Variants in CAMTA1 observed in about 807,000 individuals in gnomAD.
CAMTA1 encodes calmodulin binding transcription activator 1, also known as calmodulin-binding transcription activator 1.
In CAMTA1, 27 loss-of-function variants were observed where a neutral mutation model predicts 170.9. That is an observed-to-expected ratio of 0.16 (90% CI 0.12 to 0.22). CAMTA1 has a LOEUF of 0.22. Ranked by LOEUF, CAMTA1 falls within the 10% of genes least tolerant of loss-of-function variation. The pLI is 1.00. For synonymous variants in CAMTA1, 833 were observed against 891.5 expected, an observed-to-expected ratio of 0.93 and a Z score of 1.17; for missense variants, 1,619 against 2,217.2, an observed-to-expected ratio of 0.73 and a Z score of 5.42.
intron 4 of CAMTA1, among the ~76,000 whole-genome samples, chr1:7,120,090 A>G (rs774197084): frequency 3.9e-5 from 6 of 152,174 alleles, no homozygotes; most frequent in Non-Finnish European, 8.8e-5. Flanking sequence ...ACAGATGGCA[A>G]ATGGAGGAAT....
chr1:6,841,306 G>A (rs1655599363), intron 3 of CAMTA1, among the ~76,000 whole-genome samples: 1 of 152,278 alleles, frequency 6.6e-6, no homozygotes, highest in South Asian at 2.1e-4. Flanking sequence ...ATTCCCCTTT[G>A]CCTTGTGATG....
intron 7 of CAMTA1, among the ~76,000 whole-genome samples, chr1:7,651,832 C>T (rs556510412): frequency 1.3e-5 from 2 of 152,364 alleles, no homozygotes; most frequent in African/African-American, 2.4e-5. Context: ...ATGGGGGCCC[C>T]GACCCCAGGC....
chr1:7,737,102 G>A, intron 14 of CAMTA1, 93 bp downstream of exon 14: 1 of 1,318,664 alleles, frequency 7.6e-7, no homozygotes, highest in Non-Finnish European at 1.1e-6. Context: ...GCTGACACAT[G>A]GCATGTTTCG....
At chr1:7,693,259 C>T (rs1175481761) in intron 11 of CAMTA1, 1 of 152,252 alleles carries the variant, frequency 6.6e-6, no homozygotes. Context: ...AGAGCTCTTA[C>T]AGGGCAACTC....
rs55736306 is a variant in CAMTA1, at chr1:7,029,488, C to CAA, written c.235-61791_235-61790dup. Among the ~76,000 whole-genome samples, 454 of 63,780 alleles carry CAA rather than the reference C, an allele frequency of 7.1e-3. 18 individuals carry two copies. Among genetic ancestry groups the CAA allele is most frequent in the East Asian group, 0.025 (44 of 1,738 alleles). 41.8% of individuals were successfully genotyped at this position (63,780 alleles called of 152,430 possible). A position where few individuals can be genotyped will look rare whatever the true frequency, so the allele number is the denominator to read the frequency against. ...TGGGTGACAGAGTGAGACTCTGTCT[C>CAA]AAAAAAAAAAAAAAAAAAAAAAAAA... is the stretch of plus-strand genomic sequence containing the variant. On this transcript the variant is annotated intron_variant, in intron 3 of 22. Transcript: ENST00000303635.
intron 3 of CAMTA1, among the ~76,000 whole-genome samples, chr1:7,062,438 A>T (rs1708353138): frequency 6.6e-6 from 1 of 152,226 alleles, no homozygotes; most frequent in African/African-American, 2.4e-5. Flanking sequence ...AGAATGAGTG[A>T]CAGGGAATGG....
intron 11 of CAMTA1, among the ~76,000 whole-genome samples, chr1:7,728,299 A>G (rs980693233): frequency 6.6e-6 from 1 of 152,234 alleles, no homozygotes; most frequent in Non-Finnish European, 1.5e-5. Flanking sequence ...GGGGATGGGC[A>G]GGGGACAGCT....
intron 3 of CAMTA1, among the ~76,000 whole-genome samples, chr1:7,037,714 T>G (rs1287664649): frequency 1.3e-5 from 2 of 151,830 alleles, no homozygotes; most frequent in Admixed American, 6.6e-5. Context: ...GGCAGGTGCC[T>G]GTAATCCTAG....
intron 5 of CAMTA1, among the ~76,000 whole-genome samples, chr1:7,461,407 C>T (rs1474864388): frequency 6.6e-6 from 1 of 152,256 alleles, no homozygotes; most frequent in Non-Finnish European, 1.5e-5. Context: ...CATTGCTGTG[C>T]TGTCCAATGT....
At chr1:7,419,849 C>G (rs548887671) in intron 5 of CAMTA1, among the ~76,000 whole-genome samples, 1 of 152,252 alleles carries the variant, frequency 6.6e-6, no homozygotes, top group South Asian at 2.1e-4. Flanking sequence ...CTCTCCACCC[C>G]CCACCCATCA....
At chr1:7,296,091 GT>G (rs1326633706) in intron 5 of CAMTA1, among the ~76,000 whole-genome samples, 1 of 152,342 alleles carries the variant, frequency 6.6e-6, no homozygotes, top group East Asian at 1.9e-4. Context: ...GGTTCCAGCT[GT>G]TTGGTGAATG....
intron 5 of CAMTA1, among the ~76,000 whole-genome samples, chr1:7,384,929 C>G (rs2796485): frequency 0.92 from 139,523 of 151,998 alleles, 64,095 homozygotes; most frequent in East Asian, 0.99. Flanking sequence ...GCCAGGCGAG[C>G]GTGGGGATGG....
rs1673393749 is a variant in CAMTA1, at chr1:7,293,091, A to C, written c.438+43465A>C. ...TGGGTCACTGGAGCTTCCAGAGCCC[A>C]GGCTTCGTTGCTTTTCTGCTGTATT... On this transcript the variant is annotated intron_variant, in intron 5 of 22. Coordinates refer to ENST00000303635, the MANE Select transcript of CAMTA1 (RefSeq NM_015215.4). This position sits in a 1 kb window ranked among gnomAD's most constrained non-coding sequence, Gnocchi z 4.1. Among the ~76,000 whole-genome samples, 1 of 152,158 alleles carries C rather than the reference A, an allele frequency of 6.6e-6. No individual in the cohort carries two copies. Among genetic ancestry groups the C allele is most frequent in the Non-Finnish European group, 1.5e-5 (1 of 68,026 alleles).
chr1:7,218,561 C>A (rs1660165605), intron 4 of CAMTA1, among the ~76,000 whole-genome samples: 1 of 152,154 alleles, frequency 6.6e-6, no homozygotes, highest in Non-Finnish European at 1.5e-5. Context: ...GCTTCTCCCT[C>A]CCTCCCCTGC....
intron 3 of CAMTA1, among the ~76,000 whole-genome samples, chr1:6,987,324 G>A (rs955133728): frequency 1.7e-4 from 26 of 152,200 alleles, no homozygotes; most frequent in Middle Eastern, 3.4e-3. Flanking sequence ...CACCATGCCC[G>A]GCTGATTATT....
At position 7,766,591 on chromosome 1, in the gene CAMTA1, A is replaced by ATG; in HGVS notation, c.*100_*101insTG. On this transcript the variant is annotated 3_prime_UTR_variant, in exon 23 of 23. Transcript: ENST00000303635. ...ATGCAACAACAACACACACGCACACACGCACACACACACACGTACACACAC... is the reference window on the plus strand; with the variant it reads ...ATGCAACAACAACACACACGCACACATGCGCACACACACACACGTACACACAC... 1.0e-6 allele frequency: 1 copy of ATG among 979,048 alleles called. No individual in the cohort carries two copies. The allele number at this position is 979,048 out of a possible 1,614,324, so 60.6% of individuals were successfully genotyped here.
rs1362277091 is a variant in CAMTA1 at position 7,519,728 on chromosome 1, C to A, written c.510+51827C>A. Among the ~76,000 whole-genome samples, 3 of 151,698 alleles carry A rather than the reference C, an allele frequency of 2.0e-5. No individual in the cohort carries two copies. The East Asian group carries it at 5.8e-4, about 29-fold the overall frequency. On this transcript the variant is annotated intron_variant, in intron 6 of 22. Transcript: ENST00000303635. ...AGGTGATGCTGGGCTAATCCTTTGT[C>A]CCCTTACTCCTCCTCAGGGGCTCCT...
chr1:7,381,373 C>A (rs2087308516), intron 5 of CAMTA1, among the ~76,000 whole-genome samples: 1 of 147,276 alleles, frequency 6.8e-6, no homozygotes, highest in Non-Finnish European at 1.5e-5. Flanking sequence ...TCTCATTGTT[C>A]AATTCCCACC....
At chr1:7,077,143 C>G (rs986559785) in intron 3 of CAMTA1, among the ~76,000 whole-genome samples, 1 of 151,358 alleles carries the variant, frequency 6.6e-6, no homozygotes, top group Non-Finnish European at 1.5e-5. Context: ...GAGGCATTTG[C>G]TAATGAATCT....
Sources: allele counts gnomAD v4.1 joint callset (sites outside exome capture counted in the v4.1 genomes callset), GRCh38; gene constraint gnomAD v4.1.1; non-coding constraint Gnocchi (gnomAD v3.1); transcripts MANE v1.5; gene names NCBI Gene and HGNC (gene_info 2026-07-23, HGNC 2026-07-21).